The following ADCY3 variants were observed in gnomAD, a reference collection of about 807,000 sequenced individuals.
ADCY3 encodes adenylate cyclase 3, also known as adenylate cyclase type 3.
Under a neutral mutation model 119.4 loss-of-function variants are expected in ADCY3, and 70 were observed. The observed-to-expected ratio is 0.59, with a 90% confidence interval of 0.48 to 0.72. The LOEUF is 0.72. ADCY3 is among the 30% of genes least tolerant of loss of function. The pLI is 0.00. For synonymous variants in ADCY3, 672 were observed against 621.4 expected (o/e 1.08, Z -1.21); for missense variants, 1,238 against 1,541.6 (o/e 0.80, Z 3.30).
At chr2:24,884,471 C>CTTTTTTTTT (rs1201387570) in intron 2 of ADCY3, among the ~76,000 whole-genome samples, 7 of 97,862 alleles carry the variant, frequency 7.2e-5, no homozygotes, top group African/African-American at 1.9e-4. Context: ...TTCTAATAAT[C>CTTTTTTTTT]TTTTTTTTTT....
chr2:24,896,896 T>C (rs1459997843), intron 2 of ADCY3, among the ~76,000 whole-genome samples: 2 of 152,192 alleles, frequency 1.3e-5, no homozygotes, highest in East Asian at 3.9e-4. Context: ...GGTAGAATTC[T>C]CTTCAGGTAG....
At position 24,872,479 on chromosome 2, in the gene ADCY3, G is replaced by T; in HGVS notation, c.825+91C>A. 6.8e-7 allele frequency: 1 copy of T among 1,478,048 alleles called. No homozygotes were observed. The highest frequency in any genetic ancestry group is 9.2e-7 in the Non-Finnish European group (1 of 1,091,254). The allele number at this position is 1,478,048 out of a possible 1,614,324, so 91.6% of individuals were successfully genotyped here. ...GTGGATGAACGCCAAGCCCCACGGAGCCAGGGGCTGCCGCTCTGGTTCCTC... is the reference window on the plus strand; with the variant it reads ...GTGGATGAACGCCAAGCCCCACGGATCCAGGGGCTGCCGCTCTGGTTCCTC... On this transcript the variant is annotated intron_variant, in intron 3 of 21. Coordinates refer to ENST00000679454, the MANE Select transcript of ADCY3 (RefSeq NM_004036.5). This position sits in a 1 kb window ranked among gnomAD's most constrained non-coding sequence, Gnocchi z 4.4.
At chr2:24,829,846 C>T (rs1222602007) in intron 13 of ADCY3, among the ~76,000 whole-genome samples, 1 of 151,512 alleles carries the variant, frequency 6.6e-6, no homozygotes, top group African/African-American at 2.4e-5. Context: ...CTGATGACAG[C>T]TCCAGGCATG....
chr2:24,826,976 G>C (rs1212366365), intron 15 of ADCY3, among the ~76,000 whole-genome samples: 1 of 152,102 alleles, frequency 6.6e-6, no homozygotes, highest in Non-Finnish European at 1.5e-5. Flanking sequence ...GGGTGTAACT[G>C]GCATTTCCTT....
intron 3 of ADCY3, among the ~76,000 whole-genome samples, chr2:24,844,224 G>A (rs890237103): frequency 1.8e-4 from 27 of 152,166 alleles, no homozygotes; most frequent in African/African-American, 6.5e-4. Context: ...TCGCCATGGG[G>A]TCGGCTGCTG....
intron 2 of ADCY3, among the ~76,000 whole-genome samples, chr2:24,879,121 C>G (rs974679788): frequency 2.0e-5 from 3 of 152,146 alleles, no homozygotes; most frequent in Non-Finnish European, 4.4e-5. Flanking sequence ...AGCAAGTCGC[C>G]TGCCTCTCTG....
At chr2:24,821,034 G>T in intron 20 of ADCY3, 186 bp from the exon 21 acceptor site, 1 of 814,946 alleles carries the variant, frequency 1.2e-6, no homozygotes, top group East Asian at 2.9e-5. Flanking sequence ...GTGCTTGTTA[G>T]GTGTCAGCCG....
Position 24,841,519 on chromosome 2 carries a change from G to T in ADCY3, c.1068+37C>A, listed in dbSNP as rs774620341. ...GGGCCAGGCAGAGGCCATGAGGGCA[G>T]GCCCCGCTGGAGAGCCAGGCGGGGC... On this transcript the variant is annotated intron_variant, in intron 5 of 21. Transcript: ENST00000679454. This position sits in a 1 kb window ranked among gnomAD's most constrained non-coding sequence, Gnocchi z 5.8. 6.2e-7 allele frequency: 1 copy of T among 1,601,498 alleles called. No individual in the cohort carries two copies.
intron 2 of ADCY3, among the ~76,000 whole-genome samples, chr2:24,894,989 G>T (rs562197444): frequency 1.1e-4 from 16 of 151,966 alleles, no homozygotes; most frequent in African/African-American, 3.9e-4. Context: ...TCTCTATGTC[G>T]TGTGTCTTTT....
intron 2 of ADCY3, among the ~76,000 whole-genome samples, chr2:24,893,418 T>C (rs940899925): frequency 2.0e-4 from 31 of 152,152 alleles, no homozygotes; most frequent in Non-Finnish European, 3.4e-4. Context: ...GGTCTTGCTC[T>C]GTCACCCAGG....
In ADCY3 at chr2:24,838,617, A is replaced by G. The variant is rs781013472; in HGVS notation, c.1361T>C (p.Val454Ala). Residue 454 changes from valine to alanine, a missense_variant, in exon 8 of 22, where the codon GTG (valine) becomes GCG (alanine). Transcript: ENST00000679454. ...KMEAGGIPGR[V>A]HISQSTMDCL... is the part of the protein sequence containing the mutation. ...GTCCATGGTGCTCTGGGAGATGTGC[A>G]CGCGCCTGGATTGCAGAGAGAGAGG... 1.2e-6 allele frequency: 2 copies of G among 1,613,754 alleles called. No homozygotes were observed. Among genetic ancestry groups the G allele is most frequent in the South Asian group, 1.1e-5 (1 of 91,060 alleles).
At position 24,872,549 on chromosome 2, in the gene ADCY3, G is replaced by A. The variant is rs202214671; in HGVS notation, c.825+21C>T. The stretch of plus-strand genomic sequence containing the variant: ...GTCCCTGAGCCCAAGCTCCAGGCCC[G>A]AGGCCTCCCGAGAGCCTCACCTGCT... On this transcript the variant is annotated intron_variant, in intron 3 of 21. Transcript: ENST00000679454. This position sits in a 1 kb window ranked among gnomAD's most constrained non-coding sequence, Gnocchi z 4.4. The A allele has an allele frequency of 2.1e-4, 331 of 1,611,778 alleles. 1 individual carries two copies. Among genetic ancestry groups the A allele is most frequent in the Middle Eastern group, 3.3e-4 (2 of 6,068 alleles).
intron 2 of ADCY3, among the ~76,000 whole-genome samples, chr2:24,886,460 C>T (rs888859027): frequency 6.6e-6 from 1 of 152,192 alleles, no homozygotes; most frequent in Admixed American, 6.5e-5. Flanking sequence ...CTCACCTCCA[C>T]CCGGACCTTG....
At chr2:24,848,414 G>A (rs1169655753) in intron 3 of ADCY3, among the ~76,000 whole-genome samples, 2 of 152,200 alleles carry the variant, frequency 1.3e-5, no homozygotes, top group Admixed American at 1.3e-4. Context: ...CTGGTTTGCT[G>A]TTAATAAATA....
Position 24,822,593 on chromosome 2 carries a change from A to G in ADCY3, c.2921T>C (p.Ile974Thr). Residue 974 changes from isoleucine (I) to threonine (T), a missense_variant, in exon 19 of 22, where the codon ATC (isoleucine) becomes ACC (threonine). Coordinates refer to ENST00000679454, the MANE Select transcript of ADCY3 (RefSeq NM_004036.5). ...CATATACGTGCTGCCAATGGTTTTG[A>G]TCTTGGTGATCACCCGGAACTTGGG... ...DNPKFRVITKIKTIGSTYMAA... is the reference protein window; with the variant it reads ...DNPKFRVITKTKTIGSTYMAA... 1 of 1,613,974 alleles carries G rather than the reference A, an allele frequency of 6.2e-7. No homozygotes were observed. The highest frequency in any genetic ancestry group is 8.5e-7 in the Non-Finnish European group (1 of 1,179,992).
chr2:24,916,395 C>G lies in ADCY3; in HGVS notation c.675+1918G>C, dbSNP rs554931726. ...ATCCTCAGACCTCAGACCTTAGAAC[C>G]TGGGATGCCTGGGCATGGTGGCTCA... On this transcript the variant is annotated intron_variant, in intron 2 of 21. Transcript: ENST00000679454. Among the ~76,000 whole-genome samples the G allele has an allele frequency of 2.0e-5, 3 of 152,258 alleles. No homozygotes were observed. In the South Asian group the frequency reaches 6.2e-4, roughly 32 times the overall value.
chr2:24,896,385 A>C (rs1291477203), intron 2 of ADCY3, among the ~76,000 whole-genome samples: 1 of 145,880 alleles, frequency 6.9e-6, no homozygotes. Context: ...ATTCTGTTAC[A>C]AAAAAAAAAA....
intron 16 of ADCY3, chr2:24,825,838 G>T: frequency 1.8e-6 from 1 of 564,404 alleles, no homozygotes; most frequent in Non-Finnish European, 3.2e-6. Flanking sequence ...GGAGGGGGTC[G>T]GACGGAAGAG....
At position 24,899,022 on chromosome 2, in the gene ADCY3, GCC is replaced by G. The variant is rs1678611629; in HGVS notation, c.675+19289_675+19290del. Among the ~76,000 whole-genome samples the G allele has an allele frequency of 6.6e-6, 1 of 151,896 alleles. No individual in the cohort carries two copies. The highest frequency in any genetic ancestry group is 2.4e-5 in the African/African-American group (1 of 41,340). ...TCCAAACACTCCACTGTCCCCTCAT[GCC>G]CCTTGTCACCCTGAATCCCGGTGTC... is the stretch of plus-strand genomic sequence containing the variant. On this transcript the variant is annotated intron_variant, in intron 2 of 21. Transcript: ENST00000679454. The surrounding 1 kb of genome is among the most constrained non-coding windows in gnomAD (Gnocchi z 4.5).
Sources: gnomAD v4.1 joint callset for allele counts (sites outside exome capture counted in the v4.1 genomes callset) on GRCh38, gnomAD v4.1.1 for gene constraint, Gnocchi (gnomAD v3.1) non-coding constraint, MANE v1.5 for transcripts, NCBI Gene and HGNC (gene_info 2026-07-23, HGNC 2026-07-21) for gene names.